Variants in PCDH8 observed in about 807,000 individuals in gnomAD.
PCDH8 encodes the protein protocadherin-8.
PCDH8 carries 36 observed loss-of-function variants against 58.2 expected under a neutral mutation model. The observed-to-expected ratio is 0.62, with a 90% CI of 0.47 to 0.82. The LOEUF (loss-of-function observed/expected upper bound fraction) is 0.82, where lower values mean the gene tolerates loss of function less well. Ranked by LOEUF, PCDH8 falls within the 40% of genes least tolerant of loss-of-function variation. PCDH8 has a pLI of 0.00. For missense variants in PCDH8, 1,493 were observed against 1,567.8 expected (o/e 0.95, Z 0.81); for synonymous variants, 775 against 728.9 (o/e 1.06, Z -1.02).
chr13:52,845,012 T>C, intron 2 of PCDH8, 79 bp from the exon 3 acceptor site: 2 of 1,439,100 alleles, frequency 1.4e-6, no homozygotes, highest in Non-Finnish European at 1.9e-6. Context: ...CTTCAGCATG[T>C]CAGCCTGGGT....
chr13:52,844,924 G>C lies in PCDH8; in HGVS notation c.2849C>G (p.Ala950Gly). The C allele has an allele frequency of 1.3e-6, 2 of 1,523,848 alleles. No homozygotes were observed. Among genetic ancestry groups the C allele is most frequent in the Non-Finnish European group, 1.8e-6 (2 of 1,136,134 alleles). The allele number at this position is 1,523,848 out of a possible 1,614,324, so 94.4% of individuals were successfully genotyped here. ...LINHMQSGLW[A>G]CTAECKILGH... ...CAGGATCTTACACTCAGCGGTGCACGCCCACAGTCCTAATACGAAAGGGAA... is the reference window on the plus strand; with the variant it reads ...CAGGATCTTACACTCAGCGGTGCACCCCCACAGTCCTAATACGAAAGGGAA... The change falls in exon 3 of 3, where the codon GCG (alanine) becomes GGG (glycine). Residue 950 changes from alanine (A) to glycine (G), a missense_variant. Physicochemically the swap from Ala to Gly is moderately conservative, Grantham distance 60 (BLOSUM62 0). Transcript: ENST00000377942.
rs765306356 is a variant in PCDH8, at chr13:52,846,065, C to T, written c.2372G>A (p.Arg791Gln). The T allele has an allele frequency of 2.0e-6, 3 of 1,536,332 alleles. No homozygotes were observed. The highest frequency in any genetic ancestry group is 2.9e-5 in the African/African-American group (2 of 69,270). ...VRKGGALREERPGAAGGGASA... is the reference protein window; with the variant it reads ...VRKGGALREEQPGAAGGGASA... Reference sequence around the variant, plus strand: ...GGCTCCGCCGCCCGCCGCCCCGGGCCGCTCTTCCCGGAGGGCCCCCCCTTT... The same window carrying T: ...GGCTCCGCCGCCCGCCGCCCCGGGCTGCTCTTCCCGGAGGGCCCCCCCTTT... Residue 791 changes from arginine (R) to glutamine (Q), a missense_variant, in exon 1 of 3, where the codon CGG becomes CAG. Coordinates refer to ENST00000377942, the MANE Select transcript of PCDH8 (RefSeq NM_002590.4).
chr13:52,847,819 C>G lies in PCDH8; in HGVS notation c.618G>C (p.Glu206Asp). ...DLVLLQELDRESQAAYSLELV... is the reference protein window; with the variant it reads ...DLVLLQELDRDSQAAYSLELV... ...GCTCCAGGCTGTAGGCGGCCTGGCT[C>G]TCGCGGTCCAGCTCCTGCAGCAGCA... Residue 206 changes from glutamate (E) to aspartate (D), a missense_variant, in exon 1 of 3, where the codon GAG becomes GAC. Glu to Asp is a conservative substitution (Grantham distance 45). Transcript: ENST00000377942. 1 of 1,487,880 alleles carries G rather than the reference C, an allele frequency of 6.7e-7. No homozygotes were observed. Among genetic ancestry groups the G allele is most frequent in the Non-Finnish European group, 8.9e-7 (1 of 1,126,348 alleles). The allele number at this position is 1,487,880 out of a possible 1,614,324, so 92.2% of individuals were successfully genotyped here.
Position 52,843,770 on chromosome 13 carries a change from G to A in PCDH8, c.*790C>T, listed in dbSNP as rs1965691476. ...AGGGATTTTATAGACTAATACATAT[G>A]GAGATGCACATAATTTATGAAATCA... is the stretch of plus-strand genomic sequence containing the variant. On this transcript the variant is annotated 3_prime_UTR_variant, in exon 3 of 3. Coordinates refer to ENST00000377942, the MANE Select transcript of PCDH8 (RefSeq NM_002590.4). 6.6e-6 allele frequency: 1 copy of A among 152,160 alleles called. No homozygotes were observed. Among genetic ancestry groups the A allele is most frequent in the African/African-American group, 2.4e-5 (1 of 41,430 alleles). The allele number at this position is 152,160 out of a possible 1,614,324, so 9.4% of individuals were successfully genotyped here. A position where few individuals can be genotyped will look rare whatever the true frequency, so the allele number is the denominator to read the frequency against.
Position 52,845,809 on chromosome 13 carries a change from G to A in PCDH8, c.2628C>T (p.Ala876=), listed in dbSNP as rs1965721061. Residue 876 remains alanine, a synonymous_variant, in exon 1 of 3, where the codon GCC becomes GCT. Transcript: ENST00000377942. ...CCCAGCCGAAGGAAGGCCTCACCTC[G>A]GCGTGCGCGCCGCGGAGCCGCTGCT... ...EGQQRLRGAH[A]EPYGASPGFG... is the part of the protein sequence containing the mutation. 6.7e-7 allele frequency: 1 copy of A among 1,502,110 alleles called. No homozygotes were observed. The highest frequency in any genetic ancestry group is 2.5e-5 in the East Asian group (1 of 40,736). 93.0% of individuals were successfully genotyped at this position (1,502,110 alleles called of 1,614,324 possible).
At position 52,843,750 on chromosome 13, in the gene PCDH8, T is replaced by C. The variant is rs1965691307; in HGVS notation, c.*810A>G. On this transcript the variant is annotated 3_prime_UTR_variant, in exon 3 of 3. Transcript: ENST00000377942. ...CCTAGTGAATAAATGAGAGCAGGGATTTTATAGACTAATACATATGGAGAT... is the reference window on the plus strand; with the variant it reads ...CCTAGTGAATAAATGAGAGCAGGGACTTTATAGACTAATACATATGGAGAT... 6.6e-6 allele frequency: 1 copy of C among 152,232 alleles called. No homozygotes were observed. Among genetic ancestry groups the C allele is most frequent in the East Asian group, 1.9e-4 (1 of 5,198 alleles). 9.4% of individuals were successfully genotyped at this position (152,232 alleles called of 1,614,324 possible). A position where few individuals can be genotyped will look rare whatever the true frequency, so the allele number is the denominator to read the frequency against.
At position 52,846,567 on chromosome 13, in the gene PCDH8, G is replaced by A; in HGVS notation, c.1870C>T (p.Pro624Ser). 6.2e-7 allele frequency: 1 copy of A among 1,603,852 alleles called. No homozygotes were observed. Among genetic ancestry groups the A allele is most frequent in the Non-Finnish European group, 8.5e-7 (1 of 1,178,930 alleles). The change falls in exon 1 of 3, where the codon CCT becomes TCT. Residue 624 changes from proline (P) to serine (S), a missense_variant. Physicochemically the swap from Pro to Ser is moderately conservative, Grantham distance 74. Transcript: ENST00000377942. ...PANGSLEVAV[P>S]GRTAKDTVVA... ...ACCGTGTCCTTTGCGGTGCGCCCAGGCACCGCCACTTCTAGGGAGCCATTG... is the reference window on the plus strand; with the variant it reads ...ACCGTGTCCTTTGCGGTGCGCCCAGACACCGCCACTTCTAGGGAGCCATTG...
In PCDH8 at chr13:52,848,185, G is replaced by A; in HGVS notation, c.252C>T (p.Thr84=). 2 of 1,612,640 alleles carry A rather than the reference G, an allele frequency of 1.2e-6. No individual in the cohort carries two copies. Among genetic ancestry groups the A allele is most frequent in the South Asian group, 1.1e-5 (1 of 91,022 alleles). ...CGCGGTCCAGGCCGGCGTCCCCGACGGTCAGCTGCCCGTCGCCTTCGCGCA... is the reference window on the plus strand; with the variant it reads ...CGCGGTCCAGGCCGGCGTCCCCGACAGTCAGCTGCCCGTCGCCTTCGCGCA... ...LRVREGDGQL[T]VGDAGLDRER... Residue 84 remains threonine, a synonymous_variant, in exon 1 of 3, where the codon ACC becomes ACT. Coordinates refer to ENST00000377942, the MANE Select transcript of PCDH8 (RefSeq NM_002590.4).
In PCDH8 at chr13:52,845,953, G is replaced by T. The variant is rs1389552839; in HGVS notation, c.2484C>A (p.Gly828=). The change falls in exon 1 of 3, where the codon GGC becomes GGA. Residue 828 remains glycine (G), a synonymous_variant. Coordinates refer to ENST00000377942, the MANE Select transcript of PCDH8 (RefSeq NM_002590.4). ...MFDVLTFPGT[G]KAPFGSPAAD... The stretch of plus-strand genomic sequence containing the variant: ...CCGCGGGGCTGCCAAAGGGCGCTTT[G>T]CCGGTGCCAGGGAAGGTGAGCACGT... 6.7e-7 allele frequency: 1 copy of T among 1,490,668 alleles called. No homozygotes were observed. Among genetic ancestry groups the T allele is most frequent in the Non-Finnish European group, 8.8e-7 (1 of 1,132,786 alleles). 92.3% of individuals were successfully genotyped at this position (1,490,668 alleles called of 1,614,324 possible). A position where few individuals can be genotyped will look rare whatever the true frequency, so the allele number is the denominator to read the frequency against.
In PCDH8 at chr13:52,847,626, C is replaced by T; in HGVS notation, c.811G>A (p.Ala271Thr). Reference protein sequence around the residue: ...VGSLLLDLDAADPDEGPNGDV... With the variant: ...VGSLLLDLDATDPDEGPNGDV... ...CCGTTAGGTCCCTCGTCGGGGTCGG[C>T]TGCGTCCAGGTCGAGAAGCAGGGAG... Residue 271 changes from alanine to threonine, a missense_variant, in exon 1 of 3, where the codon GCC becomes ACC. Around this residue, in one of 3 missense-constraint regions of PCDH8, gnomAD observed 1,307 missense variants for 1,362.7 expected, o/e 0.96. Transcript: ENST00000377942. 1.3e-6 allele frequency: 2 copies of T among 1,575,300 alleles called. No individual in the cohort carries two copies. Among genetic ancestry groups the T allele is most frequent in the Non-Finnish European group, 1.7e-6 (2 of 1,169,536 alleles).
rs984012706 is a variant in PCDH8 at position 52,846,779 on chromosome 13, G to C, written c.1658C>G (p.Ser553Trp). 4 of 1,569,920 alleles carry C rather than the reference G, an allele frequency of 2.5e-6. No individual in the cohort carries two copies. The African/African-American group carries it at 4.0e-5, about 16-fold the overall frequency. ...RAGGAVSTYV[S>W]VDPATGAIYA... ...GATGGCTCCGGTAGCTGGGTCCACC[G>C]AGACATAAGTGGACACGGCGCCCCC... Residue 553 changes from serine (S) to tryptophan (W), a missense_variant, in exon 1 of 3, where the codon TCG (serine) becomes TGG (tryptophan). Physicochemically the swap from Ser to Trp is radical, Grantham distance 177. Coordinates refer to ENST00000377942, the MANE Select transcript of PCDH8 (RefSeq NM_002590.4).
chr13:52,846,897 C>A lies in PCDH8; in HGVS notation c.1540G>T (p.Ala514Ser), dbSNP rs780644296. 134 of 1,573,180 alleles carry A rather than the reference C, an allele frequency of 8.5e-5. No homozygotes were observed. Among genetic ancestry groups the A allele is most frequent in the Non-Finnish European group, 1.1e-4 (128 of 1,163,272 alleles). The stretch of plus-strand genomic sequence containing the variant: ...CGGGCGGCCACCGTGGCCAGGTAGG[C>A]GCCTGGCGGGTTGTTCTCGCGCACC... Reference protein sequence around the residue: ...VSVRENNPPGAYLATVAARDR... With the variant: ...VSVRENNPPGSYLATVAARDR... The change falls in exon 1 of 3, where the codon GCC (alanine) becomes TCC (serine). Residue 514 changes from alanine (A) to serine (S), a missense_variant. Transcript: ENST00000377942.
At position 52,846,066 on chromosome 13, in the gene PCDH8, G is replaced by A. The variant is rs1042549078; in HGVS notation, c.2371C>T (p.Arg791Trp). The change falls in exon 1 of 3, where the codon CGG becomes TGG. Residue 791 changes from arginine to tryptophan, a missense_variant. Physicochemically the swap from Arg to Trp is moderately radical, Grantham distance 101. Coordinates refer to ENST00000377942, the MANE Select transcript of PCDH8 (RefSeq NM_002590.4). ...VRKGGALREERPGAAGGGASA... is the reference protein window; with the variant it reads ...VRKGGALREEWPGAAGGGASA... ...GCTCCGCCGCCCGCCGCCCCGGGCC[G>A]CTCTTCCCGGAGGGCCCCCCCTTTG... is the stretch of plus-strand genomic sequence containing the variant. 1 of 1,537,542 alleles carries A rather than the reference G, an allele frequency of 6.5e-7. No individual in the cohort carries two copies. Among genetic ancestry groups the A allele is most frequent in the Non-Finnish European group, 8.7e-7 (1 of 1,155,544 alleles).
Position 52,845,935 on chromosome 13 carries a change from G to T in PCDH8, c.2502C>A (p.Ser834Arg). The T allele has an allele frequency of 6.7e-7, 1 of 1,486,738 alleles. No homozygotes were observed. 92.1% of individuals were successfully genotyped at this position (1,486,738 alleles called of 1,614,324 possible). A position where few individuals can be genotyped will look rare whatever the true frequency, so the allele number is the denominator to read the frequency against. Residue 834 changes from serine (S) to arginine (R), a missense_variant, in exon 1 of 3, where the codon AGC (serine) becomes AGA (arginine). By Grantham distance (110) the Ser-to-Arg change is moderately radical (BLOSUM62 -1). Coordinates refer to ENST00000377942, the MANE Select transcript of PCDH8 (RefSeq NM_002590.4). ...CAGGCGGAGGCGCGTCCGCCGCGGG[G>T]CTGCCAAAGGGCGCTTTGCCGGTGC... ...FPGTGKAPFG[S>R]PAADAPPPAV...
chr13:52,845,032 T>C, intron 2 of PCDH8, 99 bp from the exon 3 acceptor site: 1 of 1,333,838 alleles, frequency 7.5e-7, no homozygotes, highest in Non-Finnish European at 1.0e-6. Flanking sequence ...TCAGGGCAGC[T>C]GAAAGGAAAG....
chr13:52,845,651 G>T lies in PCDH8; in HGVS notation c.2632-19C>A. On this transcript the variant is annotated intron_variant, in intron 1 of 2. Coordinates refer to ENST00000377942, the MANE Select transcript of PCDH8 (RefSeq NM_002590.4). ...CGTAGGGCTGCAGCAGGGAATAGGG[G>T]AATGGGAGTGGGGGGAGGGTTGGAT... 2 of 1,612,694 alleles carry T rather than the reference G, an allele frequency of 1.2e-6. No homozygotes were observed. Among genetic ancestry groups the T allele is most frequent in the Non-Finnish European group, 1.7e-6 (2 of 1,179,400 alleles).
rs1297493890 is a variant in PCDH8 at position 52,847,653 on chromosome 13, C to T, written c.784G>A (p.Gly262Ser). Residue 262 changes from glycine to serine, a missense_variant, in exon 1 of 3, where the codon GGC becomes AGC. Coordinates refer to ENST00000377942, the MANE Select transcript of PCDH8 (RefSeq NM_002590.4). Reference protein sequence around the residue: ...EVELAEDAPVGSLLLDLDAAD... With the variant: ...EVELAEDAPVSSLLLDLDAAD... Reference sequence around the variant, plus strand: ...GCGTCCAGGTCGAGAAGCAGGGAGCCCACGGGCGCGTCTTCCGCCAGCTCC... The same window carrying T: ...GCGTCCAGGTCGAGAAGCAGGGAGCTCACGGGCGCGTCTTCCGCCAGCTCC... 1.3e-6 allele frequency: 2 copies of T among 1,571,930 alleles called. No homozygotes were observed. Among genetic ancestry groups the T allele is most frequent in the African/African-American group, 1.4e-5 (1 of 72,678 alleles).
chr13:52,845,415 G>T lies in PCDH8; in HGVS notation c.2839+10C>A. The stretch of plus-strand genomic sequence containing the variant: ...GAATGCCGAATTTGGCGGGAAAGAA[G>T]AGTCCTCACCACTCTGCATGTGGTT... On this transcript the variant is annotated intron_variant, in intron 2 of 2. Coordinates refer to ENST00000377942, the MANE Select transcript of PCDH8 (RefSeq NM_002590.4). 2 of 1,613,430 alleles carry T rather than the reference G, an allele frequency of 1.2e-6. No individual in the cohort carries two copies. Among genetic ancestry groups the T allele is most frequent in the Non-Finnish European group, 1.7e-6 (2 of 1,179,318 alleles).
rs1340963850 is a variant in PCDH8 at position 52,845,449 on chromosome 13, C to A, written c.2815G>T (p.Asp939Tyr). The A allele has an allele frequency of 1.2e-6, 2 of 1,614,188 alleles. No individual in the cohort carries two copies. Among genetic ancestry groups the A allele is most frequent in the East Asian group, 2.2e-5 (1 of 44,872 alleles). The change falls in exon 2 of 3, where the codon GAT becomes TAT. Residue 939 changes from aspartate to tyrosine, a missense_variant. Coordinates refer to ENST00000377942, the MANE Select transcript of PCDH8 (RefSeq NM_002590.4). ...CCACTCTGCATGTGGTTGATGAGATCCTTTTTCAGAGCGTCCCCGCTGATG... is the reference window on the plus strand; with the variant it reads ...CCACTCTGCATGTGGTTGATGAGATACTTTTTCAGAGCGTCCCCGCTGATG... ...SDISGDALKK[D>Y]LINHMQSGLW... is the part of the protein sequence containing the mutation.
Sources: gnomAD v4.1 joint callset for allele counts on GRCh38, gnomAD v4.1.1 for gene constraint, gnomAD v4.1.1 regional missense constraint, MANE v1.5 for transcripts, NCBI Gene and HGNC (gene_info 2026-07-23, HGNC 2026-07-21) for gene names.